The following LGR6 variants were observed in gnomAD, a reference collection of about 807,000 sequenced individuals.
The protein encoded by LGR6 is leucine rich repeat containing G protein-coupled receptor 6.
Under a neutral mutation model 69.4 loss-of-function variants are expected in LGR6, and 45 were observed. The observed-to-expected ratio is 0.65, with a 90% CI of 0.51 to 0.83. The LOEUF is 0.83. Ranked by LOEUF, LGR6 falls within the 40% of genes least tolerant of loss-of-function variation. The pLI, the probability that LGR6 is intolerant of heterozygous loss-of-function variation, is 0.00. For synonymous variants in LGR6, 538 were observed against 555.0 expected (o/e 0.97, Z 0.43); for missense variants, 1,108 against 1,246.7 (o/e 0.89, Z 1.68).
intron 1 of LGR6, among the ~76,000 whole-genome samples, chr1:202,212,843 T>G (rs1215772411): frequency 1.3e-5 from 2 of 152,130 alleles, no homozygotes; most frequent in African/African-American, 4.8e-5. Context: ...CTCACTCCCA[T>G]GCTAACACCC....
intron 6 of LGR6, among the ~76,000 whole-genome samples, chr1:202,294,496 G>A (rs997704923): frequency 8.5e-5 from 13 of 152,284 alleles, no homozygotes; most frequent in East Asian, 3.9e-4. Context: ...TCATCTGGAC[G>A]CTCAACTAGG....
At chr1:202,229,364 GTCTC>G (rs1660822646) in intron 3 of LGR6, among the ~76,000 whole-genome samples, 1 of 152,038 alleles carries the variant, frequency 6.6e-6, no homozygotes, top group South Asian at 2.1e-4. Flanking sequence ...TCCTCTCTGT[GTCTC>G]TCTCCCCATA....
At chr1:202,229,048 A>T (rs548919637) in intron 3 of LGR6, among the ~76,000 whole-genome samples, 3 of 152,102 alleles carry the variant, frequency 2.0e-5, no homozygotes, top group Non-Finnish European at 2.9e-5. Context: ...CCAGAAAGCG[A>T]TATCTTTTAA....
At chr1:202,222,384 G>GC (rs1660219465) in intron 1 of LGR6, among the ~76,000 whole-genome samples, 2 of 152,244 alleles carry the variant, frequency 1.3e-5, no homozygotes, top group African/African-American at 4.8e-5. Flanking sequence ...GAACAATGAG[G>GC]CCGCTAGTCA....
In LGR6 at chr1:202,297,577, G is replaced by A; in HGVS notation, c.785+1G>A. On this transcript the variant is annotated splice_donor_variant, in intron 7 of 17. Transcript: ENST00000367278. LOFTEE classifies it high-confidence loss of function. ...GGACCCTGGGCAGACTGCAGGAACTGTAAGCGCCTCTTTTGGTTTCTGTGG... is the reference window on the plus strand; with the variant it reads ...GGACCCTGGGCAGACTGCAGGAACTATAAGCGCCTCTTTTGGTTTCTGTGG... The A allele has an allele frequency of 6.2e-7, 1 of 1,613,222 alleles. No individual in the cohort carries two copies. The highest frequency in any genetic ancestry group is 8.5e-7 in the Non-Finnish European group (1 of 1,179,560).
chr1:202,311,954 C>G (rs1653775214), intron 16 of LGR6, among the ~76,000 whole-genome samples: 1 of 152,238 alleles, frequency 6.6e-6, no homozygotes, highest in African/African-American at 2.4e-5. Flanking sequence ...GCCCAGCAGC[C>G]TGGCTGGCTC....
chr1:202,259,364 A>C (rs1041400261), intron 4 of LGR6, among the ~76,000 whole-genome samples: 1 of 152,128 alleles, frequency 6.6e-6, no homozygotes, highest in African/African-American at 2.4e-5. Flanking sequence ...AGTTTGGAAA[A>C]ATTTACTGAC....
At chr1:202,317,845 C>T (rs1302309634) in intron 17 of LGR6, 107 bp from the exon 18 acceptor site, 1 of 1,153,926 alleles carries the variant, frequency 8.7e-7, no homozygotes, top group African/African-American at 1.5e-5. Context: ...GGGCCATGTT[C>T]ATCTCCTTTT....
intron 4 of LGR6, among the ~76,000 whole-genome samples, chr1:202,243,011 TGAGGCACA>T (rs1239810033): frequency 6.6e-6 from 1 of 152,192 alleles, no homozygotes; most frequent in Non-Finnish European, 1.5e-5. Context: ...ACGAGCAAAC[TGAGGCACA>T]GAGCCATAAA....
At chr1:202,306,128 A>G (rs183624397) in intron 12 of LGR6, among the ~76,000 whole-genome samples, 123 of 152,288 alleles carry the variant, frequency 8.1e-4, no homozygotes, top group African/African-American at 2.9e-3. Context: ...ATTTTGGAGC[A>G]TGTTCTCTCC....
chr1:202,207,208 T>C (rs1436204117), intron 1 of LGR6, among the ~76,000 whole-genome samples: 1 of 152,170 alleles, frequency 6.6e-6, no homozygotes, highest in African/African-American at 2.4e-5. Context: ...TGAGCCACTG[T>C]GCCCGGCCGG....
At chr1:202,198,578 A>G (rs1391722036) in intron 1 of LGR6, among the ~76,000 whole-genome samples, 2 of 151,188 alleles carry the variant, frequency 1.3e-5, no homozygotes, top group Non-Finnish European at 2.9e-5. Context: ...AAGGCATAGG[A>G]TAGGTGTGTG....
rs149592480 is a variant in LGR6, at chr1:202,318,800, C to G, written c.2497C>G (p.His833Asp). ...NPLLYLLFNP[H>D]FRDDLRRLRP... ...ACTGCTGTACCTGCTCTTCAACCCC[C>G]ACTTCCGGGATGACCTTCGGCGGCT... Residue 833 changes from histidine to aspartate, a missense_variant, in exon 18 of 18, where the codon CAC (histidine) becomes GAC (aspartate). Transcript: ENST00000367278. 6.2e-7 allele frequency: 1 copy of G among 1,613,708 alleles called. No individual in the cohort carries two copies. Among genetic ancestry groups the G allele is most frequent in the Non-Finnish European group, 8.5e-7 (1 of 1,179,930 alleles).
chr1:202,204,463 C>CCTT, intron 1 of LGR6, among the ~76,000 whole-genome samples: 1 of 86,440 alleles, frequency 1.2e-5, no homozygotes, highest in Non-Finnish European at 2.3e-5. Context: ...ACACACACCT[C>CCTT]CACACACACA....
At chr1:202,293,866 T>C (rs1666966400) in intron 6 of LGR6, among the ~76,000 whole-genome samples, 1 of 152,226 alleles carries the variant, frequency 6.6e-6, no homozygotes. Context: ...ATATGTCTTT[T>C]GCTACTGTCT....
chr1:202,245,802 A>G lies in LGR6; in HGVS notation c.428+9809A>G, dbSNP rs547291604. On this transcript the variant is annotated intron_variant, in intron 4 of 17. Coordinates refer to ENST00000367278, the MANE Select transcript of LGR6 (RefSeq NM_001017403.2). ...CCTCAGCTCTCCTTCCTCTTGTATT[A>G]TTGCCCCTTCCTGAGCAGCTGATGC... Among the ~76,000 whole-genome samples the G allele has an allele frequency of 2.2e-4, 33 of 152,106 alleles. No homozygotes were observed. The South Asian group carries it at 6.6e-3, about 31-fold the overall frequency.
chr1:202,215,668 T>G (rs143753261), intron 1 of LGR6, among the ~76,000 whole-genome samples: 1 of 152,200 alleles, frequency 6.6e-6, no homozygotes, highest in Non-Finnish European at 1.5e-5. Context: ...AGAATCTGTC[T>G]TCCGTCCCTC....
At chr1:202,261,236 C>G (rs1460323269) in intron 4 of LGR6, among the ~76,000 whole-genome samples, 1 of 118,338 alleles carries the variant, frequency 8.5e-6, no homozygotes, top group African/African-American at 3.2e-5. Flanking sequence ...CTCCCCCCTC[C>G]CCCCACCCCA....
intron 8 of LGR6, 102 bp downstream of exon 8, chr1:202,301,022 G>A (rs1159667404): frequency 1.5e-6 from 2 of 1,308,820 alleles, no homozygotes; most frequent in East Asian, 4.6e-5. Context: ...GCACCAGGGA[G>A]GCAGAAGTAT....
Sources: allele counts gnomAD v4.1 joint callset (sites outside exome capture counted in the v4.1 genomes callset), GRCh38; gene constraint gnomAD v4.1.1; transcripts MANE v1.5; gene names NCBI Gene and HGNC (gene_info 2026-07-23, HGNC 2026-07-21).